STPG1: variants seen among roughly 807,000 people sequenced by gnomAD.
STPG1 encodes sperm tail PG-rich repeat containing 1.
A neutral mutation model predicts 40.1 loss-of-function variants in STPG1; 33 were observed. The observed-to-expected ratio is 0.82, with a 90% CI of 0.62 to 1.10. The LOEUF is 1.10. STPG1 is among the 50% of genes least tolerant of loss of function. STPG1 has a pLI of 0.00. For missense variants in STPG1, 396 were observed against 415.1 expected, an observed-to-expected ratio of 0.95 and a Z score of 0.40; for synonymous variants, 150 against 155.0, an observed-to-expected ratio of 0.97 and a Z score of 0.24.
intron 7 of STPG1, among the ~76,000 whole-genome samples, chr1:24,362,825 A>AT (rs890252898): frequency 1.3e-5 from 2 of 152,190 alleles, no homozygotes; most frequent in African/African-American, 4.8e-5. Flanking sequence ...GTGGATGCTT[A>AT]TATTTAGAAC....
At chr1:24,406,144 A>C (rs1290414524) in intron 1 of STPG1, among the ~76,000 whole-genome samples, 1 of 151,230 alleles carries the variant, frequency 6.6e-6, no homozygotes. Flanking sequence ...TTTTTTTTGG[A>C]TCTTTTGAGA....
At position 24,389,127 on chromosome 1, in the gene STPG1, G is replaced by A. The variant is rs79154812; in HGVS notation, c.189+2434C>T. 2.0e-4 allele frequency among the ~76,000 whole-genome samples: 30 copies of A among 152,254 alleles called. No homozygotes were observed. In the East Asian group the frequency reaches 5.8e-3, roughly 29 times the overall value. On this transcript the variant is annotated intron_variant, in intron 3 of 8. Coordinates refer to ENST00000337248, the MANE Select transcript of STPG1 (RefSeq NM_001199013.2). ...CTCTGAGCAATTCCCATCTCTATTCGATGCTGCCTGTAGGTTTGGCTACCT... is the reference window on the plus strand; with the variant it reads ...CTCTGAGCAATTCCCATCTCTATTCAATGCTGCCTGTAGGTTTGGCTACCT...
chr1:24,395,531 C>G (rs1259689864), intron 2 of STPG1, among the ~76,000 whole-genome samples: 1 of 150,046 alleles, frequency 6.7e-6, no homozygotes, highest in African/African-American at 2.5e-5. Flanking sequence ...CTCCCGGGTT[C>G]ACGCCATTCT....
At chr1:24,373,046 G>A (rs1242864363) in intron 6 of STPG1, among the ~76,000 whole-genome samples, 1 of 152,190 alleles carries the variant, frequency 6.6e-6, no homozygotes, top group Non-Finnish European at 1.5e-5. Flanking sequence ...GATGGAGGAC[G>A]TGGGCTCGTT....
rs1167344063 is a variant in STPG1 at position 24,399,725 on chromosome 1, AAAGAC to A, written c.70+1589_70+1593del. On this transcript the variant is annotated intron_variant, in intron 2 of 8. Transcript: ENST00000337248. This position sits in a 1 kb window ranked among gnomAD's most constrained non-coding sequence, Gnocchi z 4.0. ...AGAACTCCTATAAATAAAAAAAAGA[AAAGAC>A]AAGACAAGACCCAGCAGAAGAAAAT... Among the ~76,000 whole-genome samples the A allele has an allele frequency of 2.0e-5, 3 of 152,188 alleles. No homozygotes were observed. The highest frequency in any genetic ancestry group is 2.1e-4 in the South Asian group (1 of 4,834).
intron 3 of STPG1, among the ~76,000 whole-genome samples, chr1:24,390,240 TTGCTTCTGTCCCC>T (rs1390465811): frequency 6.6e-6 from 1 of 152,222 alleles, no homozygotes; most frequent in African/African-American, 2.4e-5. Context: ...CGCCTGTGAG[TTGCTTCTGTCCCC>T]TGCTGGTGAG....
At chr1:24,406,391 T>C (rs1643417569) in intron 1 of STPG1, among the ~76,000 whole-genome samples, 1 of 152,060 alleles carries the variant, frequency 6.6e-6, no homozygotes, top group Non-Finnish European at 1.5e-5. Flanking sequence ...AATCTCATAT[T>C]TTTTTAAACA....
chr1:24,366,741 G>A (rs530909298), intron 7 of STPG1, among the ~76,000 whole-genome samples: 3 of 152,164 alleles, frequency 2.0e-5, no homozygotes, highest in South Asian at 2.1e-4. Context: ...CCCTTCTTTC[G>A]CTTATAGAGA....
In STPG1 at chr1:24,369,750, G is replaced by C. The variant is rs1306063915; in HGVS notation, c.661C>G (p.Leu221Val). 7 of 1,613,488 alleles carry C rather than the reference G, an allele frequency of 4.3e-6. No homozygotes were observed. Among genetic ancestry groups the C allele is most frequent in the Non-Finnish European group, 5.9e-6 (7 of 1,179,504 alleles). ...CCAGGTCCCGGGCCTGTTGACGTCA[G>C]TTTTAATCCACGGTTGGTTTTTGAT... Reference protein sequence around the residue: ...FKSKTNRGLKLTSTGPGPGYY... With the variant: ...FKSKTNRGLKVTSTGPGPGYY... The change falls in exon 7 of 9, where the codon CTG (leucine) becomes GTG (valine). Residue 221 changes from leucine (L) to valine (V), a missense_variant. Coordinates refer to ENST00000337248, the MANE Select transcript of STPG1 (RefSeq NM_001199013.2).
intron 1 of STPG1, among the ~76,000 whole-genome samples, chr1:24,403,931 GTTAT>G (rs1643321305): frequency 6.6e-6 from 1 of 151,914 alleles, no homozygotes; most frequent in Admixed American, 6.6e-5. Flanking sequence ...TTGTATGCCT[GTTAT>G]TTCTTTTTAT....
At chr1:24,401,264 G>A (rs374309216) in intron 2 of STPG1, 55 bp downstream of exon 2, 8 of 1,549,958 alleles carry the variant, frequency 5.2e-6, no homozygotes, top group Middle Eastern at 1.7e-4. Flanking sequence ...TTGCTCTTAT[G>A]TACTAAAATA....
intron 2 of STPG1, chr1:24,401,077 G>A (rs1459414427): frequency 2.4e-6 from 1 of 422,168 alleles, no homozygotes; most frequent in African/African-American, 2.0e-5. Context: ...AACAAGTCTG[G>A]GTTTTGTTTA....
intron 6 of STPG1, among the ~76,000 whole-genome samples, chr1:24,370,794 T>C (rs568550522): frequency 6.6e-6 from 1 of 151,654 alleles, no homozygotes; most frequent in African/African-American, 2.4e-5. Flanking sequence ...CCCAGCTTTT[T>C]TTTTTTTGTA....
At chr1:24,406,368 T>C (rs1643416363) in intron 1 of STPG1, among the ~76,000 whole-genome samples, 2 of 152,124 alleles carry the variant, frequency 1.3e-5, no homozygotes, top group African/African-American at 4.8e-5. Flanking sequence ...ATTTTATTTC[T>C]ACATATATTA....
intron 6 of STPG1, among the ~76,000 whole-genome samples, chr1:24,370,321 T>TC: frequency 6.6e-6 from 1 of 151,210 alleles, no homozygotes; most frequent in South Asian, 2.1e-4. Context: ...AACTATCTTT[T>TC]TTTTTTTTTT....
Position 24,357,046 on chromosome 1 carries a change from G to GCCCC in STPG1, c.*1493_*1496dup, listed in dbSNP as rs71934206. 1 of 117,314 alleles carries GCCCC rather than the reference G, an allele frequency of 8.5e-6. No homozygotes were observed. Among genetic ancestry groups the GCCCC allele is most frequent in the Non-Finnish European group, 1.7e-5 (1 of 59,834 alleles). The allele number at this position is 117,314 out of a possible 1,614,324, so 7.3% of individuals were successfully genotyped here. On this transcript the variant is annotated 3_prime_UTR_variant, in exon 9 of 9. Transcript: ENST00000337248. ...TTAATGCAATATTTTTAAAATTAAG[G>GCCCC]CCCCCCCCCCCAAAAAAAAAATCCA...
At chr1:24,390,035 C>T (rs1642693463) in intron 3 of STPG1, among the ~76,000 whole-genome samples, 1 of 152,244 alleles carries the variant, frequency 6.6e-6, no homozygotes, top group Non-Finnish European at 1.5e-5. Flanking sequence ...CAAGGCCCCT[C>T]ACTCCATGCC....
At chr1:24,377,659 A>C (rs986570200) in intron 5 of STPG1, among the ~76,000 whole-genome samples, 2 of 151,928 alleles carry the variant, frequency 1.3e-5, no homozygotes, top group African/African-American at 4.8e-5. Context: ...GTTTGTAATT[A>C]TTTTGTTTGT....
Position 24,373,799 on chromosome 1 carries a change from A to C in STPG1, c.474T>G (p.Ser158=). ...PAPNYYNASV[S]CCKQRNNVCT... ...AGACGTTGTTTCTCTGCTTGCAGCA[A>C]GAGACAGAGGCCTAGGGGGAGAAAA... The change falls in exon 6 of 9, where the codon TCT becomes TCG. Residue 158 remains serine (S), a synonymous_variant. Transcript: ENST00000337248. 6.2e-7 allele frequency: 1 copy of C among 1,608,594 alleles called. No individual in the cohort carries two copies. Among genetic ancestry groups the C allele is most frequent in the South Asian group, 1.1e-5 (1 of 90,942 alleles).
Sources: gnomAD v4.1 joint callset for allele counts (sites outside exome capture counted in the v4.1 genomes callset) on GRCh38, gnomAD v4.1.1 for gene constraint, Gnocchi (gnomAD v3.1) non-coding constraint, MANE v1.5 for transcripts, NCBI Gene and HGNC (gene_info 2026-07-23, HGNC 2026-07-21) for gene names.